SH3PXD2B: variants seen among roughly 807,000 people sequenced by gnomAD.
SH3PXD2B encodes the protein SH3 and PX domains 2B.
A neutral mutation model predicts 73.1 loss-of-function variants in SH3PXD2B; 37 were observed. The ratio of observed to expected loss-of-function variants is 0.51; its 90% confidence interval spans 0.39 to 0.67. The LOEUF is 0.67. Ranked by LOEUF, SH3PXD2B falls within the 30% of genes least tolerant of loss-of-function variation. The pLI is 0.00. For missense variants in SH3PXD2B, 1,053 were observed against 1,197.8 expected (o/e 0.88, Z 1.78); for synonymous variants, 457 against 480.5 (o/e 0.95, Z 0.64).
downstream of SH3PXD2B, among the ~76,000 whole-genome samples, chr5:172,330,134 T>C (rs1756528606): frequency 6.6e-6 from 1 of 152,208 alleles, no homozygotes; most frequent in Non-Finnish European, 1.5e-5. Flanking sequence ...AAATCTGTAA[T>C]CTGAGTGCTT....
intron 1 of SH3PXD2B, among the ~76,000 whole-genome samples, chr5:172,431,281 G>GC (rs1223714654): frequency 6.6e-6 from 1 of 152,266 alleles, no homozygotes; most frequent in Non-Finnish European, 1.5e-5. Context: ...TCTGGGATCA[G>GC]CCCTGAGCAT....
At position 172,334,774 on chromosome 5, in the gene SH3PXD2B, C is replaced by T. The variant is rs764695584; in HGVS notation, c.*3595G>A. On this transcript the variant is annotated 3_prime_UTR_variant, in exon 13 of 13. Coordinates refer to ENST00000311601, the MANE Select transcript of SH3PXD2B (RefSeq NM_001017995.3). ...GAAATAAATACCAGACTGTCCACTC[C>T]TCAGCCTAAGGTCCTTCTCAAGTCC... 5.7e-4 allele frequency: 560 copies of T among 985,360 alleles called. 1 individual carries two copies. Among genetic ancestry groups the T allele is most frequent in the Non-Finnish European group, 6.4e-4 (534 of 829,966 alleles). 61.0% of individuals were successfully genotyped at this position (985,360 alleles called of 1,614,324 possible). A position where few individuals can be genotyped will look rare whatever the true frequency, so the allele number is the denominator to read the frequency against.
rs1370535433 is a variant in SH3PXD2B at position 172,442,949 on chromosome 5, T to C, written c.75+11329A>G. The stretch of plus-strand genomic sequence containing the variant: ...GTTCCACCTCTTCCACCCAGAGGGG[T>C]CTTTCATCTTTTTTTGGAGCCATGA... On this transcript the variant is annotated intron_variant, in intron 1 of 12. Coordinates refer to ENST00000311601, the MANE Select transcript of SH3PXD2B (RefSeq NM_001017995.3). Among the ~76,000 whole-genome samples the C allele has an allele frequency of 2.6e-5, 4 of 152,068 alleles. No individual in the cohort carries two copies. The South Asian group carries it at 6.2e-4, about 24-fold the overall frequency.
intron 6 of SH3PXD2B, among the ~76,000 whole-genome samples, chr5:172,368,997 C>G (rs773129950): frequency 8.7e-5 from 13 of 149,500 alleles, no homozygotes; most frequent in Non-Finnish European, 1.6e-4. Flanking sequence ...TGGGTTCAAG[C>G]AATTCTCCTG....
intron 5 of SH3PXD2B, 135 bp downstream of exon 5, chr5:172,381,901 A>C (rs1383768532): frequency 1.1e-5 from 7 of 646,882 alleles, no homozygotes; most frequent in Non-Finnish European, 1.9e-5. Context: ...CTGAAGGCTA[A>C]GTGAAGTGCG....
chr5:172,348,009 T>A (rs1757033669), intron 10 of SH3PXD2B, among the ~76,000 whole-genome samples: 1 of 152,112 alleles, frequency 6.6e-6, no homozygotes, highest in South Asian at 2.1e-4. Flanking sequence ...AAAGGCAGAA[T>A]GTTGGCCAGG....
chr5:172,420,403 AG>A (rs985636301), intron 2 of SH3PXD2B, among the ~76,000 whole-genome samples: 1 of 152,210 alleles, frequency 6.6e-6, no homozygotes. Flanking sequence ...TCGGGAAACC[AG>A]TTAGGAACAC....
intron 3 of SH3PXD2B, among the ~76,000 whole-genome samples, chr5:172,403,828 T>C (rs1009052138): frequency 6.6e-6 from 1 of 152,264 alleles, no homozygotes; most frequent in African/African-American, 2.4e-5. Context: ...TCCAAAGGCA[T>C]GTCCCAGGAC....
In SH3PXD2B at chr5:172,336,369, T is replaced by G; in HGVS notation, c.*2000A>C. ...TCCCCACCTCCCTTCTTCCCCTGGC[T>G]GCCATCTGCCCCCAACGCTCTGGGC... On this transcript the variant is annotated 3_prime_UTR_variant, in exon 13 of 13. Coordinates refer to ENST00000311601, the MANE Select transcript of SH3PXD2B (RefSeq NM_001017995.3). 1 of 985,816 alleles carries G rather than the reference T, an allele frequency of 1.0e-6. No individual in the cohort carries two copies. Among genetic ancestry groups the G allele is most frequent in the Non-Finnish European group, 1.2e-6 (1 of 830,002 alleles). 61.1% of individuals were successfully genotyped at this position (985,816 alleles called of 1,614,324 possible). A position where few individuals can be genotyped will look rare whatever the true frequency, so the allele number is the denominator to read the frequency against.
At chr5:172,332,420 CTTTTTT>C (rs11320850), downstream of SH3PXD2B, among the ~76,000 whole-genome samples, 1 of 142,296 alleles carries the variant, frequency 7.0e-6, no homozygotes, top group South Asian at 2.3e-4. Flanking sequence ...CACCTGGCTA[CTTTTTT>C]TTTTTTTTTA....
chr5:172,446,461 G>A (rs1358862980), intron 1 of SH3PXD2B, among the ~76,000 whole-genome samples: 1 of 152,190 alleles, frequency 6.6e-6, no homozygotes, highest in Non-Finnish European at 1.5e-5. Context: ...AAGAGGAAGG[G>A]GAAAACTGAG....
chr5:172,384,470 TATTC>T (rs2113378173), intron 4 of SH3PXD2B, among the ~76,000 whole-genome samples: 1 of 152,286 alleles, frequency 6.6e-6, no homozygotes, highest in African/African-American at 2.4e-5. Context: ...CACAGAACTC[TATTC>T]ATCTTGCAAA....
intron 10 of SH3PXD2B, among the ~76,000 whole-genome samples, chr5:172,348,711 T>TATCTATCTATCTATC (rs1561896964): frequency 4.1e-4 from 15 of 37,002 alleles, no homozygotes; most frequent in Middle Eastern, 0.019. Flanking sequence ...ATCTATCTAT[T>TATCTATCTATCTATC]TATTTATTTT....
At chr5:172,369,951 A>C (rs761114145) in intron 6 of SH3PXD2B, among the ~76,000 whole-genome samples, 6 of 152,212 alleles carry the variant, frequency 3.9e-5, no homozygotes, top group Non-Finnish European at 8.8e-5. Flanking sequence ...TACCAGGTAC[A>C]GATAGTTACT....
At chr5:172,439,244 A>AAAC (rs1221013236) in intron 1 of SH3PXD2B, among the ~76,000 whole-genome samples, 1 of 94,272 alleles carries the variant, frequency 1.1e-5, no homozygotes, top group African/African-American at 5.5e-5. Flanking sequence ...AACAGAAAAA[A>AAAC]AAAAAAGAAA....
chr5:172,381,917 A>G, intron 5 of SH3PXD2B, 119 bp downstream of exon 5: 1 of 714,612 alleles, frequency 1.4e-6, no homozygotes, highest in Non-Finnish European at 2.4e-6. Context: ...GTGCGGTCTC[A>G]CAGGGGCTCA....
At chr5:172,452,198 G>A (rs1028982303) in intron 1 of SH3PXD2B, among the ~76,000 whole-genome samples, 3 of 152,096 alleles carry the variant, frequency 2.0e-5, no homozygotes, top group Admixed American at 6.5e-5. Context: ...AGGCTGAGGT[G>A]ACACAGCTAC....
chr5:172,397,541 T>C (rs889496591), intron 3 of SH3PXD2B, among the ~76,000 whole-genome samples: 1 of 152,230 alleles, frequency 6.6e-6, no homozygotes, highest in Non-Finnish European at 1.5e-5. Flanking sequence ...CGACATGTGA[T>C]GTCTCCCCCG....
intron 2 of SH3PXD2B, among the ~76,000 whole-genome samples, chr5:172,412,850 G>A (rs560548739): frequency 3.9e-5 from 6 of 152,346 alleles, no homozygotes; most frequent in East Asian, 3.9e-4. Flanking sequence ...CGCTCAGGGT[G>A]AGGAGGACTG....
Sources: allele counts gnomAD v4.1 joint callset (sites outside exome capture counted in the v4.1 genomes callset), GRCh38; gene constraint gnomAD v4.1.1; transcripts MANE v1.5; gene names NCBI Gene and HGNC (gene_info 2026-07-23, HGNC 2026-07-21).